Variants in STAC3 observed in about 807,000 individuals in gnomAD.
STAC3 encodes SH3 and cysteine-rich domain-containing protein 3.
In STAC3, 30 loss-of-function variants were observed where a neutral mutation model predicts 48.5. The observed-to-expected ratio is 0.62, with a 90% confidence interval of 0.46 to 0.84. The LOEUF (loss-of-function observed/expected upper bound fraction) is 0.84. Among genes scored for constraint, STAC3 ranks in the 40% least tolerant of loss-of-function variants. STAC3 has a pLI of 0.00. For synonymous variants in STAC3, 144 were observed against 158.6 expected, an observed-to-expected ratio of 0.91 and a Z score of 0.69; for missense variants, 419 against 462.6, an observed-to-expected ratio of 0.91 and a Z score of 0.86.
intron 6 of STAC3, among the ~76,000 whole-genome samples, chr12:57,246,380 TTCCTTCCTTCC>T (rs1219661213): frequency 4.7e-5 from 6 of 128,264 alleles, no homozygotes; most frequent in Non-Finnish European, 1.0e-4. Flanking sequence ...CTTCCTTTCC[TTCCTTCCTTCC>T]TTTTTTTTTT....
rs775388111 is a variant in STAC3 at position 57,249,611 on chromosome 12, G to T, written c.26C>A (p.Ser9Tyr). 16 of 1,613,912 alleles carry T rather than the reference G, an allele frequency of 9.9e-6. No individual in the cohort carries two copies. The South Asian group carries it at 1.5e-4, about 16-fold the overall frequency. The change falls in exon 2 of 12, where the codon TCC (serine) becomes TAC (tyrosine). Residue 9 changes from serine to tyrosine, a missense_variant. Coordinates refer to ENST00000332782, the MANE Select transcript of STAC3 (RefSeq NM_145064.3). MTEKEVLE[S>Y]PKPSFPAETR... ...CTCTGCTGGGAAGGAGGGCTTAGGG[G>T]ACTCCAGCACCTCCTTTTCTGTCAT...
chr12:57,249,013 ACT>A (rs750820392), intron 3 of STAC3, 26 bp downstream of exon 3: 1 of 1,568,134 alleles, frequency 6.4e-7, no homozygotes, highest in African/African-American at 1.4e-5. Flanking sequence ...TCAATATCAT[ACT>A]CTCTTCACTT....
At chr12:57,244,067 T>G in intron 11 of STAC3, 21 bp downstream of exon 11, 1 of 1,613,996 alleles carries the variant, frequency 6.2e-7, no homozygotes, top group Non-Finnish European at 8.5e-7. Flanking sequence ...GGCCTGGGAT[T>G]GGGTTGGGGC....
At position 57,248,255 on chromosome 12, in the gene STAC3, A is replaced by G. The variant is rs376751389; in HGVS notation, c.433-57T>C. 4.3e-6 allele frequency: 6 copies of G among 1,402,108 alleles called. No individual in the cohort carries two copies. In the South Asian group the frequency reaches 5.8e-5, roughly 13 times the overall value. The allele number at this position is 1,402,108 out of a possible 1,614,324, so 86.9% of individuals were successfully genotyped here. On this transcript the variant is annotated intron_variant, in intron 4 of 11. Coordinates refer to ENST00000332782, the MANE Select transcript of STAC3 (RefSeq NM_145064.3). ...GTAGCAAAGTAAGGTCCAGAAGCCT[A>G]TCTCTCCCAGGAGTGCTCACCCTTT...
rs896751784 is a variant in STAC3 at position 57,248,936 on chromosome 12, C to T, written c.334+105G>A. On this transcript the variant is annotated intron_variant, in intron 3 of 11. Transcript: ENST00000332782. ...AATCTCTAATAGCATTGCCTTACAC[C>T]AACTCTAGCCACAGCCCATCTGCTA... The T allele has an allele frequency of 1.9e-6, 3 of 1,545,626 alleles. No homozygotes were observed. In the African/African-American group the frequency reaches 4.1e-5, roughly 21 times the overall value.
chr12:57,248,631 C>T (rs369817313), intron 4 of STAC3, 75 bp downstream of exon 4: 2 of 1,222,028 alleles, frequency 1.6e-6, no homozygotes, highest in Non-Finnish European at 2.4e-6. Context: ...CCTCAGCCTC[C>T]CAAAGTGCTG....
At chr12:57,249,535 GC>G in intron 2 of STAC3, 35 bp downstream of exon 2, 1 of 1,608,586 alleles carries the variant, frequency 6.2e-7, no homozygotes, top group East Asian at 2.2e-5. Flanking sequence ...TGGCTTCCCA[GC>G]CCCCCACACC....
chr12:57,244,258 A>G (rs1354138606), intron 10 of STAC3, 33 bp from the exon 11 acceptor site: 1 of 1,614,072 alleles, frequency 6.2e-7, no homozygotes, highest in Admixed American at 1.7e-5. Flanking sequence ...TCCATCTCTC[A>G]ATGTCGGGTT....
In STAC3 at chr12:57,244,172, G is replaced by A; in HGVS notation, c.912C>T (p.Val304=). The change falls in exon 11 of 12, where the codon GTC becomes GTT. Residue 304 remains valine (V), a synonymous_variant. Coordinates refer to ENST00000332782, the MANE Select transcript of STAC3 (RefSeq NM_145064.3). ...CGCGGTGCACACGTTCTCCAGCCCG[G>A]ACCCGAATGATGAAGTTTGGAGGGA... ...GFFPPNFIIR[V]RAGERVHRVT... is the part of the protein sequence containing the mutation. 6.2e-7 allele frequency: 1 copy of A among 1,614,102 alleles called. No homozygotes were observed. The highest frequency in any genetic ancestry group is 1.1e-5 in the South Asian group (1 of 91,072).
At chr12:57,248,377 C>CTTT (rs113333044) in intron 4 of STAC3, 179 bp from the exon 5 acceptor site, 1,234 of 450,394 alleles carry the variant, frequency 2.7e-3, no homozygotes, top group South Asian at 5.8e-3. Flanking sequence ...CATGTCCCCT[C>CTTT]TTTTTTTTTT....
At chr12:57,246,375 TTTCC>T (rs202090435) in intron 6 of STAC3, among the ~76,000 whole-genome samples, 5 of 143,770 alleles carry the variant, frequency 3.5e-5, no homozygotes, top group Admixed American at 1.5e-4. Flanking sequence ...CCTTCCTTCC[TTTCC>T]TTCCTTCCTT....
chr12:57,249,544 A>G (rs1236183801), intron 2 of STAC3, 27 bp downstream of exon 2: 1 of 1,612,346 alleles, frequency 6.2e-7, no homozygotes, highest in African/African-American at 1.3e-5. Flanking sequence ...AGCCCCCCAC[A>G]CCCAGTGGTC....
At chr12:57,247,853 A>C (rs2136831727) in intron 5 of STAC3, among the ~76,000 whole-genome samples, 1 of 152,282 alleles carries the variant, frequency 6.6e-6, no homozygotes, top group East Asian at 1.9e-4. Flanking sequence ...GATTTTGCAC[A>C]CAAAGAGCAC....
chr12:57,245,225 C>A lies in STAC3; in HGVS notation c.604-14G>T. 1.2e-6 allele frequency: 2 copies of A among 1,613,692 alleles called. No individual in the cohort carries two copies. The highest frequency in any genetic ancestry group is 1.1e-5 in the South Asian group (1 of 90,992). On this transcript the variant is annotated splice_polypyrimidine_tract_variant and intron_variant, in intron 6 of 11. Transcript: ENST00000332782. The stretch of plus-strand genomic sequence containing the variant: ...GGCTGCTACAGGCTGGAGGGGGCAC[C>A]AGAGTTAGGGAGACGCTGTCTTGGG...
In STAC3 at chr12:57,246,807, T is replaced by C; in HGVS notation, c.600A>G (p.Lys200=). The change falls in exon 6 of 12, where the codon AAA becomes AAG. Residue 200 remains lysine, a synonymous_variant. Transcript: ENST00000332782. ...KERKKGQADK[K]NPVAAMMEEE... is the part of the protein sequence containing the mutation. The stretch of plus-strand genomic sequence containing the variant: ...CGTGGGGAGGTACAGTGCTCACATT[T>C]TTCTTATCTGCCTGTCCCTTCTTCC... 1 of 1,613,856 alleles carries C rather than the reference T, an allele frequency of 6.2e-7. No homozygotes were observed. Among genetic ancestry groups the C allele is most frequent in the Non-Finnish European group, 8.5e-7 (1 of 1,179,758 alleles).
chr12:57,247,425 A>ATTTTT (rs1227095476), intron 5 of STAC3, among the ~76,000 whole-genome samples: 39 of 58,948 alleles, frequency 6.6e-4, no homozygotes, highest in African/African-American at 2.1e-3. Flanking sequence ...TATTATTATT[A>ATTTTT]TTATTTTTTT....
At chr12:57,244,469 C>A (rs554984041) in intron 9 of STAC3, 68 bp downstream of exon 9, 1 of 1,612,048 alleles carries the variant, frequency 6.2e-7, no homozygotes, top group African/African-American at 1.3e-5. Flanking sequence ...CTTTTCCTTT[C>A]CCTTGGGGGA....
Position 57,247,033 on chromosome 12 carries a change from G to C in STAC3, c.506-132C>G, listed in dbSNP as rs149750328. The C allele has an allele frequency of 3.7e-4, 277 of 746,358 alleles. 2 individuals carry two copies. The African/African-American group carries it at 4.0e-3, about 11-fold the overall frequency. 46.2% of individuals were successfully genotyped at this position (746,358 alleles called of 1,614,324 possible). A position where few individuals can be genotyped will look rare whatever the true frequency, so the allele number is the denominator to read the frequency against. ...TGGGTGGCGGTGGGGGCGCCGCGGG[G>C]AAGATTAGGGAAGGGTCAGCTAGGC... On this transcript the variant is annotated intron_variant, in intron 5 of 11. Coordinates refer to ENST00000332782, the MANE Select transcript of STAC3 (RefSeq NM_145064.3).
At position 57,249,603 on chromosome 12, in the gene STAC3, G is replaced by T; in HGVS notation, c.34C>A (p.Pro12Thr). 1 of 1,614,068 alleles carries T rather than the reference G, an allele frequency of 6.2e-7. No homozygotes were observed. Among genetic ancestry groups the T allele is most frequent in the Admixed American group, 1.7e-5 (1 of 60,004 alleles). Reference sequence around the variant, plus strand: ...TGCCGAGTCTCTGCTGGGAAGGAGGGCTTAGGGGACTCCAGCACCTCCTTT... The same window carrying T: ...TGCCGAGTCTCTGCTGGGAAGGAGGTCTTAGGGGACTCCAGCACCTCCTTT... ...TEKEVLESPK[P>T]SFPAETRQSG... Residue 12 changes from proline (P) to threonine (T), a missense_variant, in exon 2 of 12, where the codon CCC (proline) becomes ACC (threonine). Transcript: ENST00000332782.
Sources: allele counts gnomAD v4.1 joint callset (sites outside exome capture counted in the v4.1 genomes callset), GRCh38; gene constraint gnomAD v4.1.1; transcripts MANE v1.5; gene names NCBI Gene and HGNC (gene_info 2026-07-23, HGNC 2026-07-21).